Variants in NDUFAF6 observed in about 807,000 individuals in gnomAD.
The protein encoded by NDUFAF6 is NADH dehydrogenase (ubiquinone) complex I, assembly factor 6.
In NDUFAF6, 45 loss-of-function variants were observed where a neutral mutation model predicts 40.8. That is an observed-to-expected ratio of 1.10 (90% CI 0.87 to 1.42). The LOEUF is 1.42. Among genes scored for constraint, NDUFAF6 ranks in the 40% most tolerant of loss-of-function variants. The pLI is 0.00. For missense variants in NDUFAF6, 435 were observed against 418.5 expected, an observed-to-expected ratio of 1.04 and a Z score of -0.34; for synonymous variants, 185 against 155.9, an observed-to-expected ratio of 1.19 and a Z score of -1.39.
chr8:94,940,348 A>C lies in NDUFAF6; in HGVS notation c.-935-5135A>C. ...ACAGCACAGAAAAAGAAGAGATGAT[A>C]CTATTAGCTGATGCTCACGTATCTT... On this transcript the variant is annotated intron_variant, in intron 1 of 14. Transcript: ENST00000396113. 4.6e-6 allele frequency: 5 copies of C among 1,092,432 alleles called. No homozygotes were observed. In the South Asian group the frequency reaches 8.1e-5, roughly 18 times the overall value. The allele number at this position is 1,092,432 out of a possible 1,614,324, so 67.7% of individuals were successfully genotyped here. A position where few individuals can be genotyped will look rare whatever the true frequency, so the allele number is the denominator to read the frequency against.
chr8:95,101,097 T>C (rs1176253510), intron 1 of NDUFAF6: 3 of 152,208 alleles, frequency 2.0e-5, no homozygotes, highest in Non-Finnish European at 2.9e-5. Flanking sequence ...ATTTTACTTA[T>C]AGTAATTGCC....
intron 2 of NDUFAF6, among the ~76,000 whole-genome samples, chr8:95,015,607 T>G (rs981661207): frequency 6.6e-6 from 1 of 152,218 alleles, no homozygotes; most frequent in African/African-American, 2.4e-5. Context: ...TCTAAGAACT[T>G]TGAGCATTCA....
intron 1 of NDUFAF6, among the ~76,000 whole-genome samples, chr8:94,916,536 G>A (rs937846885): frequency 5.9e-5 from 9 of 152,316 alleles, no homozygotes; most frequent in Non-Finnish European, 1.3e-4. Flanking sequence ...AAAATGGGCC[G>A]GGTGCAGTGG....
At chr8:95,002,796 C>T (rs1294880552) in intron 2 of NDUFAF6, among the ~76,000 whole-genome samples, 2 of 152,168 alleles carry the variant, frequency 1.3e-5, no homozygotes, top group South Asian at 2.1e-4. Context: ...GCATAAGAGG[C>T]ACCTGGTTGG....
At chr8:95,082,843 G>A (rs1348100818) in intron 2 of NDUFAF6, among the ~76,000 whole-genome samples, 3 of 152,024 alleles carry the variant, frequency 2.0e-5, no homozygotes, top group Non-Finnish European at 4.4e-5. Context: ...GTATTTTTTA[G>A]TAGAGACGGG....
At chr8:95,004,121 C>A (rs1826855259) in intron 2 of NDUFAF6, among the ~76,000 whole-genome samples, 2 of 152,152 alleles carry the variant, frequency 1.3e-5, no homozygotes. Context: ...GCAGACCTGG[C>A]TTCCTGGCTG....
At position 94,997,359 on chromosome 8, in the gene NDUFAF6, GAGAGAGAC is replaced by G. The variant is rs1209188483; in HGVS notation, c.-84+16394_-84+16401del. Among the ~76,000 whole-genome samples, 818 of 150,558 alleles carry G rather than the reference GAGAGAGAC, an allele frequency of 5.4e-3. 9 individuals are homozygous for G. The highest frequency in any genetic ancestry group is 0.019 in the African/African-American group (779 of 40,934). ...ACACACACACAGAGAGAGAGAGAGA[GAGAGAGAC>G]AGAGAGAATGTAAGAGACAGATTTT... On this transcript the variant is annotated intron_variant, in intron 2 of 9. Coordinates refer to the NDUFAF6 transcript ENST00000396111.
Position 95,088,973 on chromosome 8 carries a change from G to T in NDUFAF6, n.214-12159G>T, listed in dbSNP as rs149535633. Among the ~76,000 whole-genome samples, 177 of 152,108 alleles carry T rather than the reference G, an allele frequency of 1.2e-3. 6 individuals are homozygous for T. In the East Asian group the frequency reaches 0.033, roughly 28 times the overall value. Reference sequence around the variant, plus strand: ...GACAGGGTTTCACCATGTTGGCCAGGCTGGTCTTGAACTTCTGACCTCAAA... The same window carrying T: ...GACAGGGTTTCACCATGTTGGCCAGTCTGGTCTTGAACTTCTGACCTCAAA... On this transcript the variant is annotated intron_variant and non_coding_transcript_variant, in intron 2 of 5. Coordinates refer to the NDUFAF6 transcript ENST00000523184.
chr8:95,012,430 G>A (rs772974104), intron 2 of NDUFAF6, among the ~76,000 whole-genome samples: 3 of 152,178 alleles, frequency 2.0e-5, no homozygotes, highest in Non-Finnish European at 2.9e-5. Context: ...CAGATAACCT[G>A]ATAAAGCTAC....
chr8:95,097,198 C>T (rs1809493458), upstream of NDUFAF6, among the ~76,000 whole-genome samples: 1 of 152,166 alleles, frequency 6.6e-6, no homozygotes, highest in Non-Finnish European at 1.5e-5. Context: ...TGCCCCTGGC[C>T]TCAAATTTCC....
intron 1 of NDUFAF6, among the ~76,000 whole-genome samples, chr8:94,917,360 CT>C (rs940564539): frequency 4.6e-5 from 7 of 152,172 alleles, no homozygotes; most frequent in Admixed American, 2.0e-4. Flanking sequence ...GGAATTCATA[CT>C]ATAACACAAG....
At chr8:95,096,756 A>G (rs1249971219), upstream of NDUFAF6, among the ~76,000 whole-genome samples, 1 of 152,228 alleles carries the variant, frequency 6.6e-6, no homozygotes, top group Non-Finnish European at 1.5e-5. Flanking sequence ...TCATTCTCTC[A>G]GCCCTTAGTC....
chr8:95,059,001 C>T (rs1374112845), downstream of NDUFAF6, among the ~76,000 whole-genome samples: 2 of 152,112 alleles, frequency 1.3e-5, no homozygotes, highest in Non-Finnish European at 2.9e-5. Context: ...CATGAGTGTA[C>T]TCCATCCTGG....
At chr8:95,081,404 A>G (rs1459665180) in intron 2 of NDUFAF6, among the ~76,000 whole-genome samples, 1 of 151,906 alleles carries the variant, frequency 6.6e-6, no homozygotes, top group East Asian at 1.9e-4. Context: ...TCCTGACCTC[A>G]GGTGATCTGC....
chr8:95,079,296 C>T (rs914208208), downstream of NDUFAF6, among the ~76,000 whole-genome samples: 1 of 151,886 alleles, frequency 6.6e-6, no homozygotes, highest in African/African-American at 2.4e-5. Context: ...TGATTGCTTC[C>T]AGTTTGGGGC....
At chr8:95,108,778 A>G (rs528290792) in intron 4 of NDUFAF6, among the ~76,000 whole-genome samples, 1 of 152,256 alleles carries the variant, frequency 6.6e-6, no homozygotes, top group African/African-American at 2.4e-5. Flanking sequence ...GGAAAACAGT[A>G]TGTCAGTTCC....
intron 1 of NDUFAF6, among the ~76,000 whole-genome samples, chr8:94,909,138 G>C (rs1178808249): frequency 6.6e-6 from 1 of 152,044 alleles, no homozygotes; most frequent in Admixed American, 6.6e-5. Flanking sequence ...CTGAGGTCAG[G>C]AGTTCGAGAC....
chr8:94,965,929 A>G (rs1823979787), intron 1 of NDUFAF6, among the ~76,000 whole-genome samples: 1 of 152,232 alleles, frequency 6.6e-6, no homozygotes, highest in Non-Finnish European at 1.5e-5. Context: ...TTTCAGAGAT[A>G]AGAAAACAAA....
chr8:95,072,277 G>A (rs2132036405), intron 9 of NDUFAF6, among the ~76,000 whole-genome samples: 1 of 152,200 alleles, frequency 6.6e-6, no homozygotes, highest in South Asian at 2.1e-4. Context: ...AACCCTCCCT[G>A]TCCCCTAAGA....
Sources: gnomAD v4.1 joint callset for allele counts (sites outside exome capture counted in the v4.1 genomes callset) on GRCh38, gnomAD v4.1.1 for gene constraint, MANE v1.5 for transcripts, NCBI Gene and HGNC (gene_info 2026-07-23, HGNC 2026-07-21) for gene names.